Variants in YEATS2 observed in about 807,000 individuals in gnomAD.
YEATS2 encodes YEATS domain-containing protein 2.
YEATS2 carries 77 observed loss-of-function variants against 163.2 expected under a neutral mutation model. The ratio of observed to expected loss-of-function variants is 0.47; its 90% CI spans 0.39 to 0.57. YEATS2 has a LOEUF of 0.57. Among genes scored for constraint, YEATS2 ranks in the 20% least tolerant of loss-of-function variants. YEATS2 has a pLI of 0.00. For synonymous variants in YEATS2, 631 were observed against 645.1 expected (o/e 0.98, Z 0.33); for missense variants, 1,549 against 1,729.8 (o/e 0.90, Z 1.85).
rs79748352 is a variant in YEATS2 at position 183,759,048 on chromosome 3, G to T, written c.1656+83G>T. The stretch of plus-strand genomic sequence containing the variant: ...AAAATAATTTTTCAAATGGAGATGG[G>T]GTCTCCCCGTATTAACCAGGCTGTA... On this transcript the variant is annotated intron_variant, in intron 13 of 30. Coordinates refer to ENST00000305135, the MANE Select transcript of YEATS2 (RefSeq NM_018023.5). 5.2e-3 allele frequency: 4,944 copies of T among 946,294 alleles called. 23 individuals carry two copies. Among genetic ancestry groups the T allele is most frequent in the Non-Finnish European group, 4.9e-3 (3,146 of 646,092 alleles). 58.6% of individuals were successfully genotyped at this position (946,294 alleles called of 1,614,324 possible).
chr3:183,784,796 G>A (rs547716473), intron 19 of YEATS2, among the ~76,000 whole-genome samples: 4 of 150,050 alleles, frequency 2.7e-5, no homozygotes, highest in South Asian at 2.1e-4. Flanking sequence ...AAAAAAAGCC[G>A]GGTGTGGTGG....
At chr3:183,740,413 C>T (rs1718823178) in intron 8 of YEATS2, among the ~76,000 whole-genome samples, 1 of 152,196 alleles carries the variant, frequency 6.6e-6, no homozygotes, top group South Asian at 2.1e-4. Flanking sequence ...GATATCATCT[C>T]ACACCAGGAA....
At chr3:183,699,563 T>G (rs1713848411) in intron 1 of YEATS2, among the ~76,000 whole-genome samples, 1 of 148,810 alleles carries the variant, frequency 6.7e-6, no homozygotes, top group Non-Finnish European at 1.5e-5. Context: ...AAAAAAAAAA[T>G]TGGGAGTGAT....
rs987982073 is a variant in YEATS2, at chr3:183,798,998, G to A, written c.3325+9G>A. ...AGCAGCTGTTGCAAAAGGTACGTAGGATCTCACAGAGTTCTCGTCCAGAAG... is the reference window on the plus strand; with the variant it reads ...AGCAGCTGTTGCAAAAGGTACGTAGAATCTCACAGAGTTCTCGTCCAGAAG... On this transcript the variant is annotated intron_variant, in intron 23 of 30. Coordinates refer to ENST00000305135, the MANE Select transcript of YEATS2 (RefSeq NM_018023.5). 4.4e-6 allele frequency: 7 copies of A among 1,605,144 alleles called. No individual in the cohort carries two copies. Among genetic ancestry groups the A allele is most frequent in the Non-Finnish European group, 6.0e-6 (7 of 1,171,968 alleles).
chr3:183,723,080 A>G (rs1044319479), intron 5 of YEATS2, among the ~76,000 whole-genome samples: 1 of 152,250 alleles, frequency 6.6e-6, no homozygotes, highest in South Asian at 2.1e-4. Context: ...AAGGTCTTTC[A>G]ACTCTGTCGT....
At chr3:183,791,227 G>A (rs541372772) in intron 21 of YEATS2, among the ~76,000 whole-genome samples, 2 of 152,196 alleles carry the variant, frequency 1.3e-5, no homozygotes, top group Non-Finnish European at 2.9e-5. Flanking sequence ...TAGAGATGGG[G>A]TTTCACCACG....
intron 27 of YEATS2, chr3:183,806,276 A>G (rs1435376722): frequency 2.2e-6 from 1 of 456,046 alleles, no homozygotes; most frequent in African/African-American, 2.0e-5. Context: ...CCCAGTCAGT[A>G]AAACAAAAGG....
At chr3:183,738,800 CATT>C (rs1718642420) in intron 8 of YEATS2, among the ~76,000 whole-genome samples, 1 of 113,576 alleles carries the variant, frequency 8.8e-6, no homozygotes, top group Non-Finnish European at 1.8e-5. Flanking sequence ...TCCAGTCTAT[CATT>C]GTTGGACATT....
intron 8 of YEATS2, among the ~76,000 whole-genome samples, chr3:183,739,798 C>T (rs373658415): frequency 2.0e-5 from 1 of 48,836 alleles, no homozygotes; most frequent in Non-Finnish European, 4.0e-5. Context: ...TCAGAAATAA[C>T]GCCGCATACC....
At chr3:183,758,645 A>C (rs751202152) in intron 12 of YEATS2, among the ~76,000 whole-genome samples, 1 of 152,192 alleles carries the variant, frequency 6.6e-6, no homozygotes, top group Non-Finnish European at 1.5e-5. Flanking sequence ...TGTCCTTACC[A>C]GCTTCTTACC....
chr3:183,715,160 A>G lies in YEATS2; in HGVS notation c.-3A>G, dbSNP rs758225840. 5.0e-6 allele frequency: 8 copies of G among 1,607,112 alleles called. No individual in the cohort carries two copies. In the Admixed American group the frequency reaches 1.0e-4, roughly 20 times the overall value. On this transcript the variant is annotated 5_prime_UTR_variant, in exon 2 of 31. Coordinates refer to ENST00000305135, the MANE Select transcript of YEATS2 (RefSeq NM_018023.5). ...GCTTCACAGTGAAGAACTGAATGTC[A>G]TCATGTCTGGAATCAAGCGAACCAT...
At chr3:183,748,903 T>C (rs1577106031) in intron 9 of YEATS2, among the ~76,000 whole-genome samples, 2 of 152,116 alleles carry the variant, frequency 1.3e-5, no homozygotes, top group East Asian at 3.9e-4. Context: ...CCAGCCTTGG[T>C]TCATATATAT....
intron 15 of YEATS2, among the ~76,000 whole-genome samples, chr3:183,771,358 A>T (rs940475553): frequency 6.6e-6 from 1 of 152,072 alleles, no homozygotes; most frequent in Non-Finnish European, 1.5e-5. Flanking sequence ...GGAGTGGGAA[A>T]CACTGCTCCA....
chr3:183,729,694 G>C (rs1717512001), intron 7 of YEATS2, among the ~76,000 whole-genome samples: 1 of 150,960 alleles, frequency 6.6e-6, no homozygotes, highest in Non-Finnish European at 1.5e-5. Context: ...TTTTTGAGAC[G>C]GAGTTTCACT....
At chr3:183,775,812 A>C in intron 17 of YEATS2, 103 bp from the exon 18 acceptor site, 1 of 1,540,776 alleles carries the variant, frequency 6.5e-7, no homozygotes, top group Non-Finnish European at 8.9e-7. Flanking sequence ...AAGAAGAAGG[A>C]ATGGCACTAA....
Position 183,752,729 on chromosome 3 carries a change from C to A in YEATS2, c.1150+476C>A, listed in dbSNP as rs146594663. Among the ~76,000 whole-genome samples, 6 of 150,380 alleles carry A rather than the reference C, an allele frequency of 4.0e-5. No homozygotes were observed. The Admixed American group carries it at 4.0e-4, about 10-fold the overall frequency. ...ATCTCAAAAAAAAAAAAAAAAATTT[C>A]CATGAAGTTTTACTGACATATTATA... On this transcript the variant is annotated intron_variant, in intron 10 of 30. Transcript: ENST00000305135.
chr3:183,790,901 G>C lies in YEATS2; in HGVS notation c.3018G>C (p.Lys1006Asn). 1 of 1,614,076 alleles carries C rather than the reference G, an allele frequency of 6.2e-7. No homozygotes were observed. ...GCCAGGCCACCGTGGGAACCTGCAA[G>C]GCTGCCACCCCCACCGTCGTCAGCG... is the stretch of plus-strand genomic sequence containing the variant. ...CVSQATVGTC[K>N]AATPTVVSAT... The change falls in exon 21 of 31, where the codon AAG (lysine) becomes AAC (asparagine). Residue 1006 changes from lysine to asparagine, a missense_variant. Coordinates refer to ENST00000305135, the MANE Select transcript of YEATS2 (RefSeq NM_018023.5).
At chr3:183,803,632 G>C (rs1017655959) in intron 26 of YEATS2, 72 of 497,476 alleles carry the variant, frequency 1.4e-4, no homozygotes, top group African/African-American at 1.2e-3. Flanking sequence ...TTTAGGGAAA[G>C]CTGGGGTAGG....
intron 21 of YEATS2, among the ~76,000 whole-genome samples, chr3:183,796,841 C>T (rs1487993574): frequency 6.6e-6 from 1 of 151,950 alleles, no homozygotes; most frequent in African/African-American, 2.4e-5. Flanking sequence ...TATCTGAAAA[C>T]ATTAGTATTG....
Sources: gnomAD v4.1 joint callset for allele counts (sites outside exome capture counted in the v4.1 genomes callset) on GRCh38, gnomAD v4.1.1 for gene constraint, MANE v1.5 for transcripts, NCBI Gene and HGNC (gene_info 2026-07-23, HGNC 2026-07-21) for gene names.